The following RPA1 variants were observed in gnomAD, a reference collection of about 807,000 sequenced individuals.
RPA1 encodes the protein replication protein A 70 kDa DNA-binding subunit.
In RPA1, 49 loss-of-function variants were observed where a neutral mutation model predicts 83.0. The observed-to-expected ratio is 0.59, with a 90% confidence interval of 0.47 to 0.75. RPA1 has a LOEUF of 0.75. RPA1 is among the 30% of genes least tolerant of loss of function. The pLI is 0.00. For synonymous variants in RPA1, 279 were observed against 281.8 expected, an observed-to-expected ratio of 0.99 and a Z score of 0.10; for missense variants, 693 against 776.1, an observed-to-expected ratio of 0.89 and a Z score of 1.27.
At chr17:1,895,741 G>A (rs1914391927) in intron 16 of RPA1, among the ~76,000 whole-genome samples, 1 of 151,482 alleles carries the variant, frequency 6.6e-6, no homozygotes, top group Non-Finnish European at 1.5e-5. Flanking sequence ...GGAGTGCAGT[G>A]GGACGATCTT....
At chr17:1,834,053 G>C (rs925679182) in intron 1 of RPA1, among the ~76,000 whole-genome samples, 2 of 152,092 alleles carry the variant, frequency 1.3e-5, no homozygotes, top group African/African-American at 4.8e-5. Flanking sequence ...GTTGGCGTGT[G>C]CCTGTAATCC....
intron 5 of RPA1, among the ~76,000 whole-genome samples, chr17:1,869,124 C>G (rs952649583): frequency 4.6e-5 from 7 of 152,120 alleles, no homozygotes. Context: ...TTTTGTTGCC[C>G]TTATTCTCCA....
intron 1 of RPA1, among the ~76,000 whole-genome samples, chr17:1,841,166 A>G (rs1001311062): frequency 6.6e-5 from 10 of 152,228 alleles, no homozygotes; most frequent in African/African-American, 2.2e-4. Context: ...TTGAAATACA[A>G]GTGATTATTC....
intron 5 of RPA1, among the ~76,000 whole-genome samples, chr17:1,857,620 A>G (rs1490007602): frequency 3.3e-5 from 5 of 151,120 alleles, no homozygotes; most frequent in Non-Finnish European, 5.9e-5. Flanking sequence ...AGCAACCCAC[A>G]GGTAGTGGCA....
chr17:1,832,305 G>A (rs558404730), intron 1 of RPA1, among the ~76,000 whole-genome samples: 65 of 152,056 alleles, frequency 4.3e-4, no homozygotes, highest in African/African-American at 1.6e-3. Context: ...CACTATCTTC[G>A]TATCTCAGCT....
rs202068855 is a variant in RPA1 at position 1,880,615 on chromosome 17, C to T, written c.1165C>T (p.Arg389Trp). The change falls in exon 12 of 17, where the codon CGG becomes TGG. Residue 389 changes from arginine to tryptophan, a missense_variant. By Grantham distance (101) the Arg-to-Trp change is moderately radical. Transcript: ENST00000254719. Reference protein sequence around the residue: ...KGARVSDFGGRSLSVLSSSTI... With the variant: ...KGARVSDFGGWSLSVLSSSTI... ...AGCCCGAGTCTCTGATTTCGGTGGACGGAGCCTCTCCGTGCTGTCTTCAAG... is the reference window on the plus strand; with the variant it reads ...AGCCCGAGTCTCTGATTTCGGTGGATGGAGCCTCTCCGTGCTGTCTTCAAG... 1,273 of 1,614,050 alleles carry T rather than the reference C, an allele frequency of 7.9e-4. 7 individuals are homozygous for T. The highest frequency in any genetic ancestry group is 3.1e-4 in the Non-Finnish European group (365 of 1,180,010).
intron 4 of RPA1, among the ~76,000 whole-genome samples, chr17:1,847,994 A>G (rs895863064): frequency 1.4e-5 from 2 of 146,304 alleles, no homozygotes; most frequent in Admixed American, 1.4e-4. Context: ...TCGGTTACAG[A>G]GCAAGACCCC....
At chr17:1,865,680 C>A (rs1379435595) in intron 5 of RPA1, among the ~76,000 whole-genome samples, 1 of 152,150 alleles carries the variant, frequency 6.6e-6, no homozygotes, top group African/African-American at 2.4e-5. Flanking sequence ...ATCCTTCAGG[C>A]GTTTCTTCAT....
intron 7 of RPA1, among the ~76,000 whole-genome samples, chr17:1,876,092 T>C (rs1439837481): frequency 6.6e-6 from 1 of 152,214 alleles, no homozygotes; most frequent in Admixed American, 6.5e-5. Context: ...GTTGATAGTC[T>C]TATGAGTAAA....
In RPA1 at chr17:1,879,563, T is replaced by G. The variant is rs1913699331; in HGVS notation, c.956T>G (p.Ile319Ser). 1 of 1,614,176 alleles carries G rather than the reference T, an allele frequency of 6.2e-7. No homozygotes were observed. The highest frequency in any genetic ancestry group is 8.5e-7 in the Non-Finnish European group (1 of 1,180,042). The change falls in exon 11 of 17, where the codon ATC becomes AGC. Residue 319 changes from isoleucine (I) to serine (S), a missense_variant. Ile to Ser is a moderately radical substitution (Grantham distance 142, BLOSUM62 -2). Coordinates refer to ENST00000254719, the MANE Select transcript of RPA1 (RefSeq NM_002945.5). ...ENKSKDSLVDIIGICKSYEDA... is the reference protein window; with the variant it reads ...ENKSKDSLVDSIGICKSYEDA... ...CTAACACGTGCATGTGTTTTAGACA[T>G]CATCGGGATCTGCAAGAGCTATGAA...
At chr17:1,860,999 C>T (rs2151278929) in intron 5 of RPA1, among the ~76,000 whole-genome samples, 1 of 152,224 alleles carries the variant, frequency 6.6e-6, no homozygotes, top group South Asian at 2.1e-4. Flanking sequence ...TACCTCGTGC[C>T]CCATGAATAT....
chr17:1,850,413 A>C lies in RPA1; in HGVS notation c.273-2688A>C, dbSNP rs116152974. 8.9e-3 allele frequency among the ~76,000 whole-genome samples: 1,308 copies of C among 146,986 alleles called. 21 individuals are homozygous for C. The highest frequency in any genetic ancestry group is 0.031 in the African/African-American group (1,233 of 39,748). On this transcript the variant is annotated intron_variant, in intron 4 of 16. Transcript: ENST00000254719. ...TAGCCAGGCATGGAGGCACACACCT[A>C]ATAGTCCCAGCTACTCGGGAGGCTG...
intron 12 of RPA1, among the ~76,000 whole-genome samples, chr17:1,883,321 G>A (rs529438930): frequency 2.6e-5 from 4 of 152,100 alleles, no homozygotes; most frequent in Admixed American, 6.5e-5. Context: ...CCACCACCAC[G>A]CCCGGCTAAT....
intron 12 of RPA1, among the ~76,000 whole-genome samples, chr17:1,881,718 T>G (rs997893606): frequency 6.6e-6 from 1 of 152,202 alleles, no homozygotes; most frequent in Non-Finnish European, 1.5e-5. Context: ...ATCTTTTACT[T>G]GTCAATAATC....
chr17:1,871,440 G>A (rs1913373423), intron 5 of RPA1, among the ~76,000 whole-genome samples: 1 of 152,146 alleles, frequency 6.6e-6, no homozygotes, highest in Non-Finnish European at 1.5e-5. Flanking sequence ...AGTTGGAGAA[G>A]GCAGAGACAG....
chr17:1,898,523 G>A lies in RPA1; in HGVS notation c.*1348G>A, dbSNP rs767843421. ...TCTCGCCGTCGTACCCCGGCAGTGC[G>A]GCGGTCACTCTGCAGCCAGAGGACC... On this transcript the variant is annotated 3_prime_UTR_variant, in exon 17 of 17. Coordinates refer to ENST00000254719, the MANE Select transcript of RPA1 (RefSeq NM_002945.5). 11 of 152,260 alleles carry A rather than the reference G, an allele frequency of 7.2e-5. No homozygotes were observed. The highest frequency in any genetic ancestry group is 5.9e-5 in the Non-Finnish European group (4 of 68,050). The allele number at this position is 152,260 out of a possible 1,614,324, so 9.4% of individuals were successfully genotyped here.
chr17:1,859,958 A>T (rs1436508871), intron 5 of RPA1, among the ~76,000 whole-genome samples: 1 of 152,120 alleles, frequency 6.6e-6, no homozygotes, highest in African/African-American at 2.4e-5. Flanking sequence ...GGCTACAGGC[A>T]CGCATCACCA....
chr17:1,875,670 T>A lies in RPA1; in HGVS notation c.464T>A (p.Val155Asp). 3.7e-6 allele frequency: 6 copies of A among 1,612,894 alleles called. No individual in the cohort carries two copies. Among genetic ancestry groups the A allele is most frequent in the Non-Finnish European group, 5.1e-6 (6 of 1,179,592 alleles). Residue 155 changes from valine (V) to aspartate (D), a missense_variant, in exon 7 of 17, where the codon GTT (valine) becomes GAT (aspartate). Transcript: ENST00000254719. ...GCGTTTGTTTTTAAAGGTTCTACTG[T>A]TTCTAAGGCTTATGGTGCTTCAAAG... ...QNGSSGMGST[V>D]SKAYGASKTF...
intron 8 of RPA1, among the ~76,000 whole-genome samples, chr17:1,877,977 T>C (rs2151286402): frequency 6.6e-6 from 1 of 152,324 alleles, no homozygotes; most frequent in East Asian, 1.9e-4. Flanking sequence ...ACGCCTGTAA[T>C]CCCAACACTT....
Sources: allele counts gnomAD v4.1 joint callset (sites outside exome capture counted in the v4.1 genomes callset), GRCh38; gene constraint gnomAD v4.1.1; transcripts MANE v1.5; gene names NCBI Gene and HGNC (gene_info 2026-07-23, HGNC 2026-07-21).